TRNAU1AP: variants seen among roughly 807,000 people sequenced by gnomAD.
TRNAU1AP encodes the protein tRNA selenocysteine 1-associated protein 1.
Under a neutral mutation model 43.3 loss-of-function variants are expected in TRNAU1AP, and 33 were observed. The ratio of observed to expected loss-of-function variants is 0.76; its 90% CI spans 0.58 to 1.02. The LOEUF (loss-of-function observed/expected upper bound fraction) is 1.02, where lower values mean the gene tolerates loss of function less well. Among genes scored for constraint, TRNAU1AP ranks in the 50% least tolerant of loss-of-function variants. TRNAU1AP has a pLI of 0.00. For synonymous variants in TRNAU1AP, 143 were observed against 129.1 expected (o/e 1.11, Z -0.73); for missense variants, 290 against 362.7 (o/e 0.80, Z 1.63).
intron 1 of TRNAU1AP, 200 bp from the exon 2 acceptor site, chr1:28,553,440 G>T: frequency 1.6e-6 from 1 of 627,482 alleles, no homozygotes; most frequent in Non-Finnish European, 2.8e-6. Context: ...GGGGTTTCTA[G>T]GTCCAAGGGG....
intron 8 of TRNAU1AP, among the ~76,000 whole-genome samples, chr1:28,576,306 AC>A (rs1408662590): frequency 1.3e-5 from 2 of 149,722 alleles, no homozygotes; most frequent in East Asian, 3.9e-4. Context: ...GACACAGGTC[AC>A]CATGCCCAGC....
rs150075682 is a variant in TRNAU1AP at position 28,561,390 on chromosome 1, A to T, written c.270A>T (p.Pro90=). Residue 90 remains proline, a synonymous_variant, in exon 4 of 9, where the codon CCA becomes CCT. Transcript: ENST00000373830. ...KLNYATYGKQ[P]DNSPEYSLFV... is the part of the protein sequence containing the mutation. ...ACTATGCCACTTACGGGAAACAACC[A>T]GATAACAGGTAGGTACAAAGTCATG... 68 of 1,614,186 alleles carry T rather than the reference A, an allele frequency of 4.2e-5. 1 individual carries two copies. The African/African-American group carries it at 7.6e-4, about 18-fold the overall frequency.
chr1:28,557,620 T>G (rs2124188574), intron 2 of TRNAU1AP, among the ~76,000 whole-genome samples: 1 of 151,992 alleles, frequency 6.6e-6, no homozygotes, highest in South Asian at 2.1e-4. Flanking sequence ...GACAGAGTCT[T>G]GCTCTGTCAC....
Position 28,571,353 on chromosome 1 carries a change from G to T in TRNAU1AP, c.693+15G>T, listed in dbSNP as rs781591681. ...GCACCATGCAGGTAACCATGACTTG[G>T]CAAGACTGGTCCCCTTGGGTTGTGT... is the stretch of plus-strand genomic sequence containing the variant. On this transcript the variant is annotated intron_variant, in intron 7 of 8. Coordinates refer to ENST00000373830, the MANE Select transcript of TRNAU1AP (RefSeq NM_017846.5). The T allele has an allele frequency of 6.2e-7, 1 of 1,613,524 alleles. No individual in the cohort carries two copies.
chr1:28,567,789 C>G (rs1665573611), intron 6 of TRNAU1AP, among the ~76,000 whole-genome samples: 1 of 152,090 alleles, frequency 6.6e-6, no homozygotes, highest in South Asian at 2.1e-4. Flanking sequence ...AAATTACTTC[C>G]ATTTTTAGCC....
At chr1:28,553,197 A>G in intron 1 of TRNAU1AP, 60 bp downstream of exon 1, 1 of 1,438,782 alleles carries the variant, frequency 7.0e-7, no homozygotes, top group Non-Finnish European at 9.2e-7. Context: ...TTCGCGAGAG[A>G]GGAAGGATCT....
chr1:28,577,715 G>A lies in TRNAU1AP; in HGVS notation c.*79G>A. 1 of 1,428,888 alleles carries A rather than the reference G, an allele frequency of 7.0e-7. No homozygotes were observed. Among genetic ancestry groups the A allele is most frequent in the Non-Finnish European group, 9.5e-7 (1 of 1,050,800 alleles). The allele number at this position is 1,428,888 out of a possible 1,614,324, so 88.5% of individuals were successfully genotyped here. On this transcript the variant is annotated 3_prime_UTR_variant, in exon 9 of 9. Transcript: ENST00000373830. ...TTTTAAAAATTGTGAAACCTTTTTG[G>A]AAATATGATTTGTAAGATTTTAATA...
intron 8 of TRNAU1AP, among the ~76,000 whole-genome samples, chr1:28,575,555 C>A (rs1165567724): frequency 6.6e-6 from 1 of 150,654 alleles, no homozygotes; most frequent in Non-Finnish European, 1.5e-5. Context: ...CTCCGCCTCC[C>A]GGGTTCAAGT....
At chr1:28,572,317 C>T (rs922863157) in intron 8 of TRNAU1AP, among the ~76,000 whole-genome samples, 3 of 152,062 alleles carry the variant, frequency 2.0e-5, no homozygotes, top group Non-Finnish European at 4.4e-5. Flanking sequence ...CCTCAGCCTC[C>T]CGAGTAGCTG....
intron 3 of TRNAU1AP, chr1:28,561,065 A>G: frequency 7.4e-7 from 1 of 1,356,378 alleles, no homozygotes; most frequent in South Asian, 1.6e-5. Context: ...ATAGGCTGGC[A>G]GCAGCAAGGA....
intron 8 of TRNAU1AP, chr1:28,574,466 T>A (rs2124218553): frequency 6.6e-6 from 1 of 152,246 alleles, no homozygotes; most frequent in South Asian, 2.1e-4. Context: ...GGCCTGTGGT[T>A]CCAGCTACTT....
At chr1:28,555,786 C>T (rs1665247050) in intron 2 of TRNAU1AP, among the ~76,000 whole-genome samples, 2 of 151,882 alleles carry the variant, frequency 1.3e-5, no homozygotes, top group South Asian at 2.1e-4. Flanking sequence ...TCTTGCTCTT[C>T]TAAGCAGAAA....
In TRNAU1AP at chr1:28,577,515, T is replaced by C. The variant is rs762663971; in HGVS notation, c.743T>C (p.Leu248Pro). ...TGCTTTCCAGACCCCATGCCACAGC[T>C]GGATGTGACTGAGGCCAACAAGGAG... Reference protein sequence around the residue: ...DDALEDPMPQLDVTEANKEFM... With the variant: ...DDALEDPMPQPDVTEANKEFM... Residue 248 changes from leucine (L) to proline (P), a missense_variant, in exon 9 of 9, where the codon CTG becomes CCG. This residue lies in a region of TRNAU1AP where 57 missense variants were observed against 55.1 expected (regional missense o/e 1.03). Coordinates refer to ENST00000373830, the MANE Select transcript of TRNAU1AP (RefSeq NM_017846.5). 1 of 1,613,896 alleles carries C rather than the reference T, an allele frequency of 6.2e-7. No individual in the cohort carries two copies. The highest frequency in any genetic ancestry group is 1.7e-5 in the Admixed American group (1 of 59,972).
At position 28,577,801 on chromosome 1, in the gene TRNAU1AP, G is replaced by C. The variant is rs1665832665; in HGVS notation, c.*165G>C. Reference sequence around the variant, plus strand: ...CACTGCTGCATTCATTTGACCATTTGAGTTTGAAGACCAAGGGAACAACTT... The same window carrying C: ...CACTGCTGCATTCATTTGACCATTTCAGTTTGAAGACCAAGGGAACAACTT... On this transcript the variant is annotated 3_prime_UTR_variant, in exon 9 of 9. Coordinates refer to ENST00000373830, the MANE Select transcript of TRNAU1AP (RefSeq NM_017846.5). The C allele has an allele frequency of 2.6e-6, 2 of 761,152 alleles. No individual in the cohort carries two copies. The highest frequency in any genetic ancestry group is 4.1e-6 in the Non-Finnish European group (2 of 488,966). The allele number at this position is 761,152 out of a possible 1,614,324, so 47.1% of individuals were successfully genotyped here.
rs775714312 is a variant in TRNAU1AP at position 28,564,822 on chromosome 1, C to T, written c.398C>T (p.Thr133Ile). The T allele has an allele frequency of 6.8e-6, 11 of 1,614,048 alleles. No individual in the cohort carries two copies. The South Asian group carries it at 1.2e-4, about 18-fold the overall frequency. ...CRGGKVVLDQ[T>I]GVSKGYGFVK... is the part of the protein sequence containing the mutation. ...GGAGGCAAGGTGGTTTTGGACCAGACAGGCGTGTCTAAGTAAGGCCTTACT... is the reference window on the plus strand; with the variant it reads ...GGAGGCAAGGTGGTTTTGGACCAGATAGGCGTGTCTAAGTAAGGCCTTACT... Residue 133 changes from threonine to isoleucine, a missense_variant, in exon 5 of 9, where the codon ACA becomes ATA. Coordinates refer to ENST00000373830, the MANE Select transcript of TRNAU1AP (RefSeq NM_017846.5).
chr1:28,574,906 G>C (rs920829185), intron 8 of TRNAU1AP, among the ~76,000 whole-genome samples: 1 of 152,134 alleles, frequency 6.6e-6, no homozygotes. Context: ...GATGCCAACT[G>C]TAGTGACCTT....
Position 28,553,671 on chromosome 1 carries a change from C to T in TRNAU1AP, c.59C>T (p.Ser20Phe). Residue 20 changes from serine (S) to phenylalanine (F), a missense_variant, in exon 2 of 9, where the codon TCC becomes TTC. By Grantham distance (155) the Ser-to-Phe change is radical (BLOSUM62 -2). Around this residue, in one of 3 missense-constraint regions of TRNAU1AP, gnomAD observed 59 missense variants for 45.5 expected, o/e 1.30. Transcript: ENST00000373830. Reference protein sequence around the residue: ...LEPYMDENFISRAFATMGETV... With the variant: ...LEPYMDENFIFRAFATMGETV... ...CCCTACATGGATGAGAACTTCATCT[C>T]CAGAGCCTTTGCCACCATGGGGGAG... 1.2e-6 allele frequency: 2 copies of T among 1,614,122 alleles called. No homozygotes were observed. The highest frequency in any genetic ancestry group is 1.7e-6 in the Non-Finnish European group (2 of 1,180,034).
chr1:28,577,546 G>T lies in TRNAU1AP; in HGVS notation c.774G>T (p.Met258Ile). The T allele has an allele frequency of 6.2e-7, 1 of 1,614,138 alleles. No individual in the cohort carries two copies. The highest frequency in any genetic ancestry group is 1.1e-5 in the South Asian group (1 of 91,080). Residue 258 changes from methionine (M) to isoleucine (I), a missense_variant, in exon 9 of 9, where the codon ATG (methionine) becomes ATT (isoleucine). Met to Ile is a conservative substitution (Grantham distance 10, BLOSUM62 1). Around this residue, in one of 3 missense-constraint regions of TRNAU1AP, gnomAD observed 57 missense variants for 55.1 expected, o/e 1.03. Coordinates refer to ENST00000373830, the MANE Select transcript of TRNAU1AP (RefSeq NM_017846.5). ...LDVTEANKEF[M>I]EQSEELYDAL... ...TGACTGAGGCCAACAAGGAGTTCAT[G>T]GAACAGAGTGAGGAGCTGTATGACG... is the stretch of plus-strand genomic sequence containing the variant.
At chr1:28,553,445 A>G (rs1462384200) in intron 1 of TRNAU1AP, 195 bp from the exon 2 acceptor site, 5 of 632,328 alleles carry the variant, frequency 7.9e-6, no homozygotes, top group Non-Finnish European at 1.1e-5. Flanking sequence ...TTCTAGGTCC[A>G]AGGGGAGGCT....
Sources: allele counts gnomAD v4.1 joint callset (sites outside exome capture counted in the v4.1 genomes callset), GRCh38; gene constraint gnomAD v4.1.1; regional missense constraint gnomAD v4.1.1; transcripts MANE v1.5; gene names NCBI Gene and HGNC (gene_info 2026-07-23, HGNC 2026-07-21).